BRD10: variants seen among roughly 807,000 people sequenced by gnomAD.
BRD10 encodes the protein uncharacterized bromodomain-containing protein 10.
the BRD10 span, among the ~76,000 whole-genome samples, chr9:5,955,526 T>TATAA: frequency 6.6e-6 from 1 of 152,198 alleles, no homozygotes; most frequent in Non-Finnish European, 1.5e-5. Context: ...AATTCCAGTT[T>TATAA]ATAATTTGTT....
chr9:5,986,336 G>A, the BRD10 span, among the ~76,000 whole-genome samples: 1 of 152,164 alleles, frequency 6.6e-6, no homozygotes, highest in African/African-American at 2.4e-5. Context: ...GTATTCCATG[G>A]TCTGTATGTA....
At chr9:5,882,151 A>G in the BRD10 span, among the ~76,000 whole-genome samples, 2 of 152,188 alleles carry the variant, frequency 1.3e-5, no homozygotes, top group African/African-American at 4.8e-5. Context: ...TCCTAGCTCA[A>G]CGAACCCAGT....
the BRD10 span, among the ~76,000 whole-genome samples, chr9:5,996,008 C>T: frequency 2.0e-5 from 3 of 152,068 alleles, no homozygotes; most frequent in Non-Finnish European, 2.9e-5. Context: ...TAGAAATATA[C>T]TCAGTTTTTA....
chr9:5,901,628 C>A, the BRD10 span, among the ~76,000 whole-genome samples: 1 of 152,112 alleles, frequency 6.6e-6, no homozygotes, highest in African/African-American at 2.4e-5. Context: ...AGGTGATCCT[C>A]CCACCCCAGC....
chr9:6,000,334 A>G, the BRD10 span, among the ~76,000 whole-genome samples: 8 of 152,190 alleles, frequency 5.3e-5, no homozygotes, highest in African/African-American at 1.9e-4. Context: ...GTAACTTAAC[A>G]TGAATTTTAA....
At chr9:6,007,060 C>T in the BRD10 span, 2 of 881,908 alleles carry the variant, frequency 2.3e-6, no homozygotes, top group Non-Finnish European at 3.5e-6. Flanking sequence ...GCCGCTCCTC[C>T]TCCCGGGCTT....
At chr9:5,950,507 T>C in the BRD10 span, among the ~76,000 whole-genome samples, 7 of 152,206 alleles carry the variant, frequency 4.6e-5, no homozygotes, top group Admixed American at 1.3e-4. Context: ...GGTAGCCTGG[T>C]TGCAGAACCC....
the BRD10 span, chr9:5,922,488 T>G: frequency 6.2e-7 from 1 of 1,614,030 alleles, no homozygotes; most frequent in Non-Finnish European, 8.5e-7. Context: ...ATTGTTTTGT[T>G]GAAAGCTGTA....
the BRD10 span, among the ~76,000 whole-genome samples, chr9:5,971,108 ATTTC>A: frequency 6.6e-6 from 1 of 150,688 alleles, no homozygotes; most frequent in Non-Finnish European, 1.5e-5. Flanking sequence ...TTGAATAGAT[ATTTC>A]TTTAAAGATG....
the BRD10 span, among the ~76,000 whole-genome samples, chr9:5,883,427 T>A: frequency 6.7e-6 from 1 of 149,450 alleles, no homozygotes; most frequent in Non-Finnish European, 1.5e-5. Flanking sequence ...GCTACCTGTA[T>A]CCCACAAAAC....
At chr9:5,961,609 ATTTTTC>A in the BRD10 span, among the ~76,000 whole-genome samples, 1 of 152,216 alleles carries the variant, frequency 6.6e-6, no homozygotes, top group Non-Finnish European at 1.5e-5. Context: ...GCCAGGACAT[ATTTTTC>A]TTTTCTATGA....
chr9:5,928,421 T>C, the BRD10 span, among the ~76,000 whole-genome samples: 2 of 152,318 alleles, frequency 1.3e-5, no homozygotes, highest in South Asian at 2.1e-4. Flanking sequence ...AACCCTTCAA[T>C]GGCTTCTCAC....
chr9:5,957,815 C>T, the BRD10 span, among the ~76,000 whole-genome samples: 2 of 151,994 alleles, frequency 1.3e-5, no homozygotes, highest in Non-Finnish European at 2.9e-5. Flanking sequence ...TTTTAAAAAT[C>T]GAGCATGAGA....
chr9:5,982,673 A>T, the BRD10 span, among the ~76,000 whole-genome samples: 1 of 152,226 alleles, frequency 6.6e-6, no homozygotes, highest in East Asian at 1.9e-4. Context: ...AACTGTAAAA[A>T]AACAAATTCC....
chr9:5,992,697 G>A, the BRD10 span, among the ~76,000 whole-genome samples: 8 of 131,442 alleles, frequency 6.1e-5, no homozygotes, highest in African/African-American at 1.9e-4. Flanking sequence ...TGAGTTTTAC[G>A]TTTACTTTCT....
the BRD10 span, among the ~76,000 whole-genome samples, chr9:5,992,927 AT>A: frequency 0.84 from 128,320 of 152,082 alleles, 56,259 homozygotes; most frequent in Non-Finnish European, 0.99. Context: ...GCATTATGTG[AT>A]TTTTCTTTTG....
the BRD10 span, chr9:5,908,594 CAT>C: frequency 6.7e-7 from 1 of 1,490,684 alleles, no homozygotes; most frequent in Non-Finnish European, 9.4e-7. Context: ...CCTAGAAACA[CAT>C]ACACTGTTGC....
the BRD10 span, among the ~76,000 whole-genome samples, chr9:5,996,635 T>C: frequency 6.6e-6 from 1 of 152,198 alleles, no homozygotes; most frequent in African/African-American, 2.4e-5. Flanking sequence ...CCGAGCCATG[T>C]AACTAATTTT....
the BRD10 span, among the ~76,000 whole-genome samples, chr9:6,005,452 C>T: frequency 3.9e-5 from 6 of 152,190 alleles, no homozygotes; most frequent in Non-Finnish European, 5.9e-5. Flanking sequence ...TTGCAGTGAG[C>T]TGAGATCACG....
Sources: allele counts gnomAD v4.1 joint callset (sites outside exome capture counted in the v4.1 genomes callset), GRCh38; gene constraint gnomAD v4.1.1; transcripts MANE v1.5; gene names NCBI Gene and HGNC (gene_info 2026-07-23, HGNC 2026-07-21).